The following MED13 variants were observed in gnomAD, a reference collection of about 807,000 sequenced individuals.
The protein encoded by MED13 is mediator complex subunit 13.
Under a neutral mutation model 225.2 loss-of-function variants are expected in MED13, and 23 were observed. That is an observed-to-expected ratio of 0.10 (90% CI 0.07 to 0.14). The LOEUF (loss-of-function observed/expected upper bound fraction) is 0.14. Ranked by LOEUF, MED13 falls within the 10% of genes least tolerant of loss-of-function variation. The pLI is 1.00. For missense variants in MED13, 2,197 were observed against 2,594.5 expected (o/e 0.85, Z 3.33); for synonymous variants, 942 against 889.2 (o/e 1.06, Z -1.06).
At chr17:62,031,682 A>C (rs2080758483) in intron 5 of MED13, 44 bp from the exon 6 acceptor site, 1 of 1,339,782 alleles carries the variant, frequency 7.5e-7, no homozygotes, top group Non-Finnish European at 1.0e-6. Flanking sequence ...TACCTTTGTG[A>C]CTAGTGAATT....
intron 11 of MED13, among the ~76,000 whole-genome samples, chr17:61,987,329 G>C (rs1330517537): frequency 1.3e-5 from 2 of 152,064 alleles, no homozygotes; most frequent in East Asian, 1.9e-4. Flanking sequence ...CAGCTACTTG[G>C]GAGGATGAGA....
At chr17:62,021,199 T>C (rs1287317620) in intron 8 of MED13, among the ~76,000 whole-genome samples, 24 of 150,440 alleles carry the variant, frequency 1.6e-4, no homozygotes, top group African/African-American at 5.6e-4. Flanking sequence ...CAATGAGCTG[T>C]TGGGTACACC....
chr17:62,010,406 C>T (rs978990140), intron 9 of MED13, 144 bp downstream of exon 9: 1 of 506,340 alleles, frequency 2.0e-6, no homozygotes, highest in Admixed American at 4.3e-5. Context: ...GGAAAAAACA[C>T]AGTAAAGGAA....
At chr17:62,058,622 G>C (rs1279869620) in intron 2 of MED13, among the ~76,000 whole-genome samples, 1 of 151,308 alleles carries the variant, frequency 6.6e-6, no homozygotes, top group South Asian at 2.1e-4. Context: ...TATCGACCCC[G>C]ATTCAACTAA....
chr17:62,025,248 T>C (rs2080690119), intron 8 of MED13, among the ~76,000 whole-genome samples: 1 of 152,238 alleles, frequency 6.6e-6, no homozygotes, highest in Non-Finnish European at 1.5e-5. Context: ...AGACAATATG[T>C]AAATAAATGA....
Position 61,946,056 on chromosome 17 carries a change from C to T in MED13, c.*412G>A, listed in dbSNP as rs1567934189. On this transcript the variant is annotated 3_prime_UTR_variant, in exon 30 of 30. Coordinates refer to ENST00000397786, the MANE Select transcript of MED13 (RefSeq NM_005121.3). ...GAAGAGATGCAGGCATTTTTGAATA[C>T]TAGATACTATAATCCATACAAGAAC... The T allele has an allele frequency of 6.5e-6, 1 of 153,370 alleles. No homozygotes were observed. Among genetic ancestry groups the T allele is most frequent in the Non-Finnish European group, 1.5e-5 (1 of 68,692 alleles). The allele number at this position is 153,370 out of a possible 1,614,324, so 9.5% of individuals were successfully genotyped here. A position where few individuals can be genotyped will look rare whatever the true frequency, so the allele number is the denominator to read the frequency against.
At chr17:61,954,919 C>T (rs1364099645) in intron 26 of MED13, among the ~76,000 whole-genome samples, 3 of 152,206 alleles carry the variant, frequency 2.0e-5, no homozygotes, top group Non-Finnish European at 4.4e-5. Context: ...AAAAACAACA[C>T]ATATTTATTT....
chr17:62,043,212 G>T (rs1199026704), intron 3 of MED13, among the ~76,000 whole-genome samples: 5 of 130,468 alleles, frequency 3.8e-5, no homozygotes, highest in African/African-American at 1.1e-4. Context: ...AAAAATTATT[G>T]TAAGAAAACC....
chr17:61,948,392 T>C (rs2143276532), intron 28 of MED13, among the ~76,000 whole-genome samples: 1 of 152,322 alleles, frequency 6.6e-6, no homozygotes, highest in South Asian at 2.1e-4. Flanking sequence ...TTTTGTAAAG[T>C]TGTGTTTCCT....
intron 2 of MED13, among the ~76,000 whole-genome samples, chr17:62,058,520 CAAAAAAAAAAA>C (rs751957495): frequency 1.1e-4 from 6 of 53,456 alleles, no homozygotes; most frequent in African/African-American, 3.1e-4. Flanking sequence ...GACTTCATCT[CAAAAAAAAAAA>C]AAAAAAAAAA....
Position 62,037,955 on chromosome 17 carries a change from C to CAAAAAAA in MED13, c.471-2354_471-2348dup, listed in dbSNP as rs397857634. Among the ~76,000 whole-genome samples, 61 of 64,744 alleles carry CAAAAAAA rather than the reference C, an allele frequency of 9.4e-4. 5 individuals are homozygous for CAAAAAAA. Among genetic ancestry groups the CAAAAAAA allele is most frequent in the Middle Eastern group, 0.012 (1 of 84 alleles). The allele number at this position is 64,744 out of a possible 152,430, so 42.5% of individuals were successfully genotyped here. ...TGGGCAACAGAGTGAGACTTCATCT[C>CAAAAAAA]AAAAAAAAAAAAAAAAAAAAAAAAA... On this transcript the variant is annotated intron_variant, in intron 3 of 29. Coordinates refer to ENST00000397786, the MANE Select transcript of MED13 (RefSeq NM_005121.3).
chr17:61,976,914 A>C (rs2080161800), intron 16 of MED13, among the ~76,000 whole-genome samples: 1 of 152,216 alleles, frequency 6.6e-6, no homozygotes, highest in African/African-American at 2.4e-5. Context: ...CCTGGGCAAC[A>C]GAGTGAGACT....
chr17:62,055,688 T>G (rs1291919683), intron 2 of MED13, among the ~76,000 whole-genome samples: 1 of 151,588 alleles, frequency 6.6e-6, no homozygotes, highest in Non-Finnish European at 1.5e-5. Context: ...CTGGGCGAGA[T>G]GGCATGCACC....
chr17:62,059,633 TAGA>T (rs2081022211), intron 2 of MED13, among the ~76,000 whole-genome samples: 2 of 152,134 alleles, frequency 1.3e-5, no homozygotes, highest in Non-Finnish European at 2.9e-5. Flanking sequence ...CAGGGGAGCT[TAGA>T]AGAAGGAAAT....
intron 9 of MED13, among the ~76,000 whole-genome samples, chr17:61,997,291 A>G (rs2080354939): frequency 6.6e-6 from 1 of 152,198 alleles, no homozygotes; most frequent in Admixed American, 6.5e-5. Flanking sequence ...TACGCCCCAG[A>G]TTTATTGCAA....
At position 61,962,914 on chromosome 17, in the gene MED13, C is replaced by T. The variant is rs200032107; in HGVS notation, c.4902G>A (p.Thr1634=). ...IPTDGDSHAV[T]YPPAIVVYII... ...TATAAACAACAATTGCAGGTGGATA[C>T]GTGACTGCATGTGAATCACCATCTG... The change falls in exon 21 of 30, where the codon ACG becomes ACA. Residue 1634 remains threonine, a synonymous_variant. Coordinates refer to ENST00000397786, the MANE Select transcript of MED13 (RefSeq NM_005121.3). 1.1e-3 allele frequency: 1,697 copies of T among 1,614,038 alleles called. 8 individuals are homozygous for T. In the Middle Eastern group the frequency reaches 0.012, roughly 11 times the overall value.
chr17:61,995,092 T>C, intron 10 of MED13, 60 bp downstream of exon 10: 1 of 1,071,772 alleles, frequency 9.3e-7, no homozygotes, highest in Non-Finnish European at 1.4e-6. Context: ...GTAAGAGTGT[T>C]ACTATATGCA....
At chr17:62,046,902 C>G (rs972654633) in intron 3 of MED13, among the ~76,000 whole-genome samples, 2 of 151,290 alleles carry the variant, frequency 1.3e-5, no homozygotes, top group African/African-American at 4.9e-5. Flanking sequence ...GTTGCCCAGG[C>G]TGGAGTACAA....
At chr17:61,979,378 T>C (rs1163365017) in intron 16 of MED13, among the ~76,000 whole-genome samples, 1 of 152,146 alleles carries the variant, frequency 6.6e-6, no homozygotes, top group Non-Finnish European at 1.5e-5. Context: ...GGTACAATCA[T>C]GGTTCACCGA....
Sources: gnomAD v4.1 joint callset for allele counts (sites outside exome capture counted in the v4.1 genomes callset) on GRCh38, gnomAD v4.1.1 for gene constraint, MANE v1.5 for transcripts, NCBI Gene and HGNC (gene_info 2026-07-23, HGNC 2026-07-21) for gene names.